OR7E24: variants seen among roughly 807,000 people sequenced by gnomAD.
OR7E24 encodes olfactory receptor family 7 subfamily E member 24, also known as olfactory receptor 7E24.
For missense variants in OR7E24, 385 were observed against 410.3 expected (o/e 0.94, Z 0.53); for synonymous variants, 130 against 157.5 (o/e 0.83, Z 1.31).
chr19:9,235,687 G>T, the OR7E24 span: 2 of 1,599,708 alleles, frequency 1.3e-6, no homozygotes, highest in Non-Finnish European at 1.7e-6. Context: ...CTGTGAACTG[G>T]CTCAGGTCCT....
chr19:9,213,857 G>T, the OR7E24 span: 1 of 1,376,608 alleles, frequency 7.3e-7, no homozygotes, highest in Non-Finnish European at 1.0e-6. Context: ...ATTTGCCTTA[G>T]GGGTACGCAG....
At chr19:9,215,790 A>G in the OR7E24 span, among the ~76,000 whole-genome samples, 1 of 152,366 alleles carries the variant, frequency 6.6e-6, no homozygotes, top group Non-Finnish European at 1.5e-5. Context: ...CTTCCAAGGT[A>G]TAGCATAGAG....
In OR7E24 at chr19:9,252,130, C is replaced by T; in HGVS notation, c.*67C>T. 1 of 1,347,590 alleles carries T rather than the reference C, an allele frequency of 7.4e-7. No individual in the cohort carries two copies. The highest frequency in any genetic ancestry group is 1.0e-6 in the Non-Finnish European group (1 of 982,732). 83.5% of individuals were successfully genotyped at this position (1,347,590 alleles called of 1,614,324 possible). A position where few individuals can be genotyped will look rare whatever the true frequency, so the allele number is the denominator to read the frequency against. ...CTCCTTGGTCACATTATTTTGGTTG[C>T]TTGATGGCTTTCATTCCTCTCTGGG... On this transcript the variant is annotated 3_prime_UTR_variant, in exon 1 of 1. Transcript: ENST00000456448.
the OR7E24 span, among the ~76,000 whole-genome samples, chr19:9,227,910 C>T: frequency 2.5e-4 from 38 of 151,106 alleles, no homozygotes; most frequent in African/African-American, 6.8e-4. Flanking sequence ...CCCGCCACTA[C>T]GCCCGGCTAA....
chr19:9,222,590 C>A, the OR7E24 span, among the ~76,000 whole-genome samples: 3 of 151,918 alleles, frequency 2.0e-5, no homozygotes, highest in Non-Finnish European at 4.4e-5. Context: ...TTGTTGATTT[C>A]TTTTTTGAGT....
chr19:9,209,654 C>CT, the OR7E24 span: 156 of 141,342 alleles, frequency 1.1e-3, no homozygotes, highest in Admixed American at 1.8e-3. Flanking sequence ...CAAAACATTT[C>CT]TTTTTTTTTT....
At chr19:9,226,143 C>T in the OR7E24 span, among the ~76,000 whole-genome samples, 1 of 152,238 alleles carries the variant, frequency 6.6e-6, no homozygotes, top group Non-Finnish European at 1.5e-5. Context: ...GCTTGAAGTT[C>T]TTAGAGACTT....
chr19:9,227,405 T>C, the OR7E24 span, among the ~76,000 whole-genome samples: 1 of 152,116 alleles, frequency 6.6e-6, no homozygotes, highest in Non-Finnish European at 1.5e-5. Flanking sequence ...AATTTTTGTA[T>C]TTTTAGTAGA....
the OR7E24 span, among the ~76,000 whole-genome samples, chr19:9,215,341 CAAAAAA>C: frequency 1.2e-5 from 1 of 83,132 alleles, no homozygotes; most frequent in African/African-American, 3.5e-5. Context: ...GACTCCGTCT[CAAAAAA>C]AAAAAAAAAA....
At chr19:9,206,513 G>A in the OR7E24 span, 1 of 152,188 alleles carries the variant, frequency 6.6e-6, no homozygotes, top group Non-Finnish European at 1.5e-5. Context: ...TGGTATCTAG[G>A]TGAAATCACA....
At chr19:9,218,643 T>G in the OR7E24 span, among the ~76,000 whole-genome samples, 15,422 of 151,924 alleles carry the variant, frequency 0.1, 1,389 homozygotes, top group African/African-American at 0.24. Context: ...GATTTTTTTT[T>G]GGGGGGGACA....
At chr19:9,223,275 A>G in the OR7E24 span, among the ~76,000 whole-genome samples, 20 of 152,356 alleles carry the variant, frequency 1.3e-4, no homozygotes, top group South Asian at 3.9e-3. Context: ...ATTCCGAAGC[A>G]GCACCAGCTC....
At chr19:9,227,884 G>A in the OR7E24 span, among the ~76,000 whole-genome samples, 4 of 148,608 alleles carry the variant, frequency 2.7e-5, no homozygotes, top group African/African-American at 9.9e-5. Context: ...CTCCCAAGTA[G>A]CTGGGACTAC....
chr19:9,209,647 A>C, the OR7E24 span: 1 of 142,100 alleles, frequency 7.0e-6, no homozygotes, highest in Admixed American at 6.8e-5. Flanking sequence ...TATAAAACAA[A>C]ACATTTCTTT....
the OR7E24 span, among the ~76,000 whole-genome samples, chr19:9,226,642 C>T: frequency 2.7e-4 from 41 of 152,298 alleles, 1 homozygote; most frequent in Non-Finnish European, 3.7e-4. Flanking sequence ...TTCTTTATTA[C>T]GGCTAGCAGA....
chr19:9,217,677 TAC>T, the OR7E24 span, among the ~76,000 whole-genome samples: 1 of 152,156 alleles, frequency 6.6e-6, no homozygotes, highest in Admixed American at 6.5e-5. Context: ...TAGCTGGGAT[TAC>T]AGGTGTGTGC....
At chr19:9,248,514 C>G (rs2066136728), upstream of OR7E24, among the ~76,000 whole-genome samples, 1 of 152,184 alleles carries the variant, frequency 6.6e-6, no homozygotes, top group Non-Finnish European at 1.5e-5. Flanking sequence ...CCGTGTCACA[C>G]CCAGCAGGTG....
In OR7E24 at chr19:9,252,277, G is replaced by C; in HGVS notation, c.*214G>C. On this transcript the variant is annotated 3_prime_UTR_variant, in exon 1 of 1. Transcript: ENST00000456448. ...CAATATACCTAGACAGCCTCCTTTA[G>C]TATCTGTGCAATGACCTTGATATCC... 2.2e-6 allele frequency: 1 copy of C among 460,354 alleles called. No homozygotes were observed. The highest frequency in any genetic ancestry group is 2.8e-5 in the South Asian group (1 of 35,776). 28.5% of individuals were successfully genotyped at this position (460,354 alleles called of 1,614,324 possible).
upstream of OR7E24, among the ~76,000 whole-genome samples, chr19:9,250,391 G>A (rs957265960): frequency 5.3e-5 from 8 of 152,024 alleles, 1 homozygote; most frequent in Non-Finnish European, 1.2e-4. Flanking sequence ...CACCACCCTG[G>A]GCTACTTTCT....
Sources: allele counts gnomAD v4.1 joint callset (sites outside exome capture counted in the v4.1 genomes callset), GRCh38; gene constraint gnomAD v4.1.1; transcripts MANE v1.5; gene names NCBI Gene and HGNC (gene_info 2026-07-23, HGNC 2026-07-21).